Variants in TPST1 observed in about 807,000 individuals in gnomAD.
TPST1 encodes protein-tyrosine sulfotransferase 1.
Under a neutral mutation model 34.8 loss-of-function variants are expected in TPST1, and 20 were observed. The observed-to-expected ratio is 0.57, with a 90% CI of 0.40 to 0.84. The LOEUF is 0.84. TPST1 is among the 40% of genes least tolerant of loss of function. TPST1 has a pLI of 0.00. For synonymous variants in TPST1, 152 were observed against 159.4 expected, an observed-to-expected ratio of 0.95 and a Z score of 0.35; for missense variants, 353 against 455.5, an observed-to-expected ratio of 0.78 and a Z score of 2.05.
At chr7:66,199,863 G>A in the TPST1 span, among the ~76,000 whole-genome samples, 1 of 151,880 alleles carries the variant, frequency 6.6e-6, no homozygotes, top group Non-Finnish European at 1.5e-5. Flanking sequence ...ACCGCCGCGC[G>A]GCACCATGCC....
chr7:66,236,963 T>TG (rs1477785810), intron 1 of TPST1, among the ~76,000 whole-genome samples: 1 of 152,190 alleles, frequency 6.6e-6, no homozygotes, highest in East Asian at 1.9e-4. Flanking sequence ...TAGATCTCTG[T>TG]GGGTAGGGAG....
chr7:66,202,434 C>A (rs77244996), upstream of TPST1, among the ~76,000 whole-genome samples: 1 of 152,168 alleles, frequency 6.6e-6, no homozygotes, highest in Non-Finnish European at 1.5e-5. Context: ...ATCTAGAATT[C>A]GTTCTCACAG....
At chr7:66,353,911 G>GT (rs1386622074) in intron 4 of TPST1, among the ~76,000 whole-genome samples, 3 of 152,222 alleles carry the variant, frequency 2.0e-5, no homozygotes, top group Non-Finnish European at 2.9e-5. Flanking sequence ...TCACACCAGA[G>GT]TTGAAGCCTC....
At position 66,264,356 on chromosome 7, in the gene TPST1, T is replaced by G. The variant is rs145889898; in HGVS notation, c.846-22155T>G. ...AGAAGGCCACATGCTTGGCAAGGAC[T>G]GTATGCATGCCCAGGGAAGACTTCT... On this transcript the variant is annotated intron_variant, in intron 2 of 5. Transcript: ENST00000304842. 8.0e-3 allele frequency among the ~76,000 whole-genome samples: 1,219 copies of G among 152,306 alleles called. 57 individuals are homozygous for G. The highest frequency in any genetic ancestry group is 0.073 in the Admixed American group (1,119 of 15,300).
intron 1 of TPST1, among the ~76,000 whole-genome samples, chr7:66,211,891 G>A (rs373602492): frequency 1.9e-4 from 29 of 152,166 alleles, no homozygotes; most frequent in African/African-American, 6.3e-4. Context: ...CCTTGAACCC[G>A]GGAGGCGGAG....
At position 66,227,028 on chromosome 7, in the gene TPST1, C is replaced by CTTTTTTTTTTTTTTTTTTTTT. The variant is rs546339747; in HGVS notation, c.-101-13294_-101-13274dup. Reference sequence around the variant, plus strand: ...TTGGTGTTGGATGCCTTAAAATAAGCTTTTTTTTTTTTTTTTTTTTTTTGA... The same window carrying CTTTTTTTTTTTTTTTTTTTTT: ...TTGGTGTTGGATGCCTTAAAATAAGCTTTTTTTTTTTTTTTTTTTTTTTTTTTTTTTTTTTTTTTTTTTTGA... On this transcript the variant is annotated intron_variant, in intron 1 of 5. Transcript: ENST00000304842. Among the ~76,000 whole-genome samples the CTTTTTTTTTTTTTTTTTTTTT allele has an allele frequency of 7.2e-5, 5 of 69,206 alleles. 2 individuals carry two copies. Among genetic ancestry groups the CTTTTTTTTTTTTTTTTTTTTT allele is most frequent in the Admixed American group, 4.6e-4 (2 of 4,358 alleles). 45.4% of individuals were successfully genotyped at this position (69,206 alleles called of 152,430 possible). A position where few individuals can be genotyped will look rare whatever the true frequency, so the allele number is the denominator to read the frequency against.
chr7:66,217,163 GC>G (rs777898085), intron 1 of TPST1, among the ~76,000 whole-genome samples: 1 of 152,106 alleles, frequency 6.6e-6, no homozygotes, highest in Non-Finnish European at 1.5e-5. Context: ...TATATATTTT[GC>G]CATTGTTGCT....
chr7:66,198,929 C>T, the TPST1 span, among the ~76,000 whole-genome samples: 2 of 152,196 alleles, frequency 1.3e-5, no homozygotes, highest in East Asian at 3.8e-4. Flanking sequence ...GTGCTTCCCG[C>T]AGGCCATTGA....
chr7:66,249,990 G>A (rs545654069), intron 2 of TPST1, among the ~76,000 whole-genome samples: 11 of 152,268 alleles, frequency 7.2e-5, no homozygotes, highest in Middle Eastern at 3.4e-3. Context: ...TTTGAAGCTG[G>A]CTAGACTTTG....
At chr7:66,255,728 G>C (rs1213818975) in intron 2 of TPST1, among the ~76,000 whole-genome samples, 1 of 152,052 alleles carries the variant, frequency 6.6e-6, no homozygotes, top group Non-Finnish European at 1.5e-5. Context: ...GTTGACATTT[G>C]TGCTGATAGT....
In TPST1 at chr7:66,352,551, C is replaced by T. The variant is rs143655698; in HGVS notation, c.1091C>T (p.Pro364Leu). 2 of 1,612,478 alleles carry T rather than the reference C, an allele frequency of 1.2e-6. No individual in the cohort carries two copies. The highest frequency in any genetic ancestry group is 2.7e-5 in the African/African-American group (2 of 74,706). Residue 364 changes from proline to leucine, a missense_variant, in exon 4 of 6, where the codon CCA becomes CTA. Coordinates refer to ENST00000304842, the MANE Select transcript of TPST1 (RefSeq NM_003596.4). ...FQLPDFLKEK[P>L]QTEQVE is the part of the protein sequence containing the mutation. ...CTACCTGACTTTCTTAAAGAAAAACCACAGGTACTGTGTCTGCTTTTTCCT... is the reference window on the plus strand; with the variant it reads ...CTACCTGACTTTCTTAAAGAAAAACTACAGGTACTGTGTCTGCTTTTTCCT...
intron 2 of TPST1, among the ~76,000 whole-genome samples, chr7:66,266,707 A>G (rs1445320203): frequency 2.6e-5 from 4 of 152,262 alleles, no homozygotes; most frequent in Admixed American, 2.6e-4. Context: ...CAATAAAAAG[A>G]AGCAAACCAG....
At chr7:66,294,329 C>T (rs967771001) in intron 3 of TPST1, among the ~76,000 whole-genome samples, 2 of 152,112 alleles carry the variant, frequency 1.3e-5, no homozygotes, top group East Asian at 1.9e-4. Context: ...GTCTGATATT[C>T]TCTTGTTTAT....
At chr7:66,306,348 G>A (rs1442599057) in intron 3 of TPST1, among the ~76,000 whole-genome samples, 3 of 152,206 alleles carry the variant, frequency 2.0e-5, no homozygotes, top group Non-Finnish European at 2.9e-5. Context: ...ACTGGTTTGG[G>A]TTTGTCCTGT....
At chr7:66,322,071 T>A (rs1480109630) in intron 3 of TPST1, among the ~76,000 whole-genome samples, 1 of 152,252 alleles carries the variant, frequency 6.6e-6, no homozygotes, top group Non-Finnish European at 1.5e-5. Flanking sequence ...TTAATTTTAA[T>A]GTCTAATTTT....
chr7:66,355,535 G>A (rs148533258), intron 4 of TPST1, among the ~76,000 whole-genome samples: 4 of 151,840 alleles, frequency 2.6e-5, no homozygotes, highest in East Asian at 1.9e-4. Context: ...GATCATCATC[G>A]TAAGGGAATT....
intron 3 of TPST1, among the ~76,000 whole-genome samples, chr7:66,331,185 A>T (rs188993229): frequency 7.7e-4 from 118 of 152,344 alleles, no homozygotes; most frequent in African/African-American, 2.8e-3. Flanking sequence ...GGCCTACCTC[A>T]GAGCAAGCAA....
chr7:66,241,917 C>T (rs1009691221), intron 2 of TPST1, among the ~76,000 whole-genome samples: 1 of 152,206 alleles, frequency 6.6e-6, no homozygotes, highest in Non-Finnish European at 1.5e-5. Context: ...CATTTTACTA[C>T]GTGTTGTGCT....
At position 66,298,717 on chromosome 7, in the gene TPST1, T is replaced by C. The variant is rs968026283; in HGVS notation, c.1044+12008T>C. Reference sequence around the variant, plus strand: ...CTTCTTTTGGATTAATCTTTTTTGGTATTCCATTTTATATATTATCTCCTC... The same window carrying C: ...CTTCTTTTGGATTAATCTTTTTTGGCATTCCATTTTATATATTATCTCCTC... On this transcript the variant is annotated intron_variant, in intron 3 of 5. Transcript: ENST00000304842. 7.9e-5 allele frequency among the ~76,000 whole-genome samples: 12 copies of C among 152,346 alleles called. No homozygotes were observed. In the South Asian group the frequency reaches 2.5e-3, roughly 32 times the overall value.
Sources: allele counts gnomAD v4.1 joint callset (sites outside exome capture counted in the v4.1 genomes callset), GRCh38; gene constraint gnomAD v4.1.1; transcripts MANE v1.5; gene names NCBI Gene and HGNC (gene_info 2026-07-23, HGNC 2026-07-21).